The following TVP23C variants were observed in gnomAD, a reference collection of about 807,000 sequenced individuals.
The protein encoded by TVP23C is trans-golgi network vesicle protein 23 homolog C, also known as Golgi apparatus membrane protein TVP23 homolog C.
TVP23C carries 19 observed loss-of-function variants against 28.7 expected under a neutral mutation model. That is an observed-to-expected ratio of 0.66 (90% confidence interval 0.46 to 0.97). The LOEUF is 0.97. Ranked by LOEUF, TVP23C falls within the 50% of genes least tolerant of loss-of-function variation. TVP23C has a pLI of 0.00. For missense variants in TVP23C, 186 were observed against 241.3 expected, an observed-to-expected ratio of 0.77 and a Z score of 1.52; for synonymous variants, 68 against 81.7, an observed-to-expected ratio of 0.83 and a Z score of 0.90.
chr17:15,540,119 A>G lies in TVP23C; in HGVS notation c.*293T>C. The G allele has an allele frequency of 8.1e-7, 1 of 1,232,048 alleles. No homozygotes were observed. Among genetic ancestry groups the G allele is most frequent in the Non-Finnish European group, 1.0e-6 (1 of 986,050 alleles). The allele number at this position is 1,232,048 out of a possible 1,614,324, so 76.3% of individuals were successfully genotyped here. On this transcript the variant is annotated 3_prime_UTR_variant, in exon 6 of 6. Transcript: ENST00000518321. ...AAAAATAAAAATAAAAACATACAAC[A>G]TACATTCTGCAAGGGCATTCACTTA...
At chr17:15,533,993 G>T (rs1036068664), downstream of TVP23C, among the ~76,000 whole-genome samples, 1 of 152,218 alleles carries the variant, frequency 6.6e-6, no homozygotes, top group African/African-American at 2.4e-5. Flanking sequence ...CTTAATTTTT[G>T]TCTTCCTCCA....
chr17:15,560,756 G>C (rs1353662495), intron 1 of TVP23C, among the ~76,000 whole-genome samples: 3 of 147,438 alleles, frequency 2.0e-5, no homozygotes, highest in African/African-American at 7.3e-5. Flanking sequence ...GGGTTTCACC[G>C]TGTTAGCCAG....
chr17:15,534,542 A>T (rs1174033275), downstream of TVP23C, among the ~76,000 whole-genome samples: 3 of 149,880 alleles, frequency 2.0e-5, no homozygotes, highest in Non-Finnish European at 2.9e-5. Context: ...AAAGGCCCAT[A>T]GTACCTATAT....
chr17:15,539,559 C>G lies in TVP23C; in HGVS notation c.*853G>C. ...CGGAGCTTGCAGTAAGCCGAGATCA[C>G]GCCACTGCACTCCAGCCTGGGCGAC... is the stretch of plus-strand genomic sequence containing the variant. On this transcript the variant is annotated 3_prime_UTR_variant, in exon 6 of 6. Coordinates refer to ENST00000518321, the MANE Select transcript of TVP23C (RefSeq NM_001135036.2). The G allele has an allele frequency of 4.9e-6, 4 of 823,968 alleles. No homozygotes were observed. Among genetic ancestry groups the G allele is most frequent in the Non-Finnish European group, 5.8e-6 (4 of 684,184 alleles). The allele number at this position is 823,968 out of a possible 1,614,324, so 51.0% of individuals were successfully genotyped here. A position where few individuals can be genotyped will look rare whatever the true frequency, so the allele number is the denominator to read the frequency against.
intron 5 of TVP23C, among the ~76,000 whole-genome samples, chr17:15,543,092 A>AC (rs1983490417): frequency 6.6e-6 from 1 of 151,720 alleles, no homozygotes; most frequent in Non-Finnish European, 1.5e-5. Flanking sequence ...TGCACAGCCA[A>AC]CCAGCAGACA....
At chr17:15,503,044 A>T (rs375535999) in exon 6 of TVP23C, 6 of 1,613,870 alleles carry the variant, frequency 3.7e-6, no homozygotes, top group Non-Finnish European at 3.4e-6. Flanking sequence ...GGCGGGGCGC[A>T]GGTTTCCAGT....
At chr17:15,502,750 G>T in exon 6 of TVP23C, 25 of 993,322 alleles carry the variant, frequency 2.5e-5, no homozygotes, top group South Asian at 7.5e-5. Flanking sequence ...CCTCTCTCCC[G>T]TCTCTTTCTC....
chr17:15,502,850 T>C (rs1159975089), exon 6 of TVP23C: 2 of 1,562,078 alleles, frequency 1.3e-6, no homozygotes, highest in Admixed American at 1.8e-5. Flanking sequence ...GAGCTTCAGA[T>C]TTGTGGGTTG....
intron 3 of TVP23C, among the ~76,000 whole-genome samples, chr17:15,551,721 T>C (rs1316076543): frequency 6.6e-6 from 1 of 152,134 alleles, no homozygotes; most frequent in African/African-American, 2.4e-5. Context: ...TTAGTGTATT[T>C]TATGTGTGGC....
chr17:15,529,460 A>G (rs1982865001), intron 5 of TVP23C, among the ~76,000 whole-genome samples: 1 of 152,136 alleles, frequency 6.6e-6, no homozygotes, highest in Non-Finnish European at 1.5e-5. Context: ...TCAAAAAAAA[A>G]AAGTAACTTA....
intron 5 of TVP23C, among the ~76,000 whole-genome samples, chr17:15,510,806 C>T (rs561209153): frequency 8.5e-5 from 13 of 152,108 alleles, no homozygotes; most frequent in Admixed American, 2.0e-4. Flanking sequence ...TGCCTGTAAT[C>T]CCAGCACGTT....
At chr17:15,507,334 C>T (rs1313524245) in intron 5 of TVP23C, 1 of 755,122 alleles carries the variant, frequency 1.3e-6, no homozygotes, top group Non-Finnish European at 2.4e-6. Flanking sequence ...ATCACCATTG[C>T]TGACTGGACA....
chr17:15,510,856 C>A (rs1303326820), intron 5 of TVP23C, among the ~76,000 whole-genome samples: 2 of 151,972 alleles, frequency 1.3e-5, no homozygotes, highest in Non-Finnish European at 2.9e-5. Context: ...GAGTTCGAGA[C>A]CAGCCTGGCC....
Position 15,555,383 on chromosome 17 carries a change from G to C in TVP23C, c.13-19C>G, listed in dbSNP as rs375224329. On this transcript the variant is annotated intron_variant, in intron 1 of 5. Transcript: ENST00000518321. ...TACTATCCTGGTTGGAAAAATAAATGGTCAAGAAGCAAAACAAAATTCAGT... is the reference window on the plus strand; with the variant it reads ...TACTATCCTGGTTGGAAAAATAAATCGTCAAGAAGCAAAACAAAATTCAGT... The C allele has an allele frequency of 1.1e-4, 178 of 1,613,718 alleles. No individual in the cohort carries two copies. The African/African-American group carries it at 1.9e-3, about 17-fold the overall frequency.
intron 5 of TVP23C, among the ~76,000 whole-genome samples, chr17:15,510,790 G>A (rs1981964851): frequency 6.6e-6 from 1 of 152,146 alleles, no homozygotes; most frequent in Admixed American, 6.5e-5. Context: ...CAGGTGCAGT[G>A]GCTCATGCCT....
In TVP23C at chr17:15,538,386, C is replaced by A; in HGVS notation, c.*2026G>T. ...AGGGTGGATCATGAGGTCAGGAGAT[C>A]GAGACCCTCCTGGCTAACACAGTGA... On this transcript the variant is annotated 3_prime_UTR_variant, in exon 6 of 6. Coordinates refer to ENST00000518321, the MANE Select transcript of TVP23C (RefSeq NM_001135036.2). 1.2e-6 allele frequency: 1 copy of A among 829,788 alleles called. No homozygotes were observed. The highest frequency in any genetic ancestry group is 1.8e-5 in the African/African-American group (1 of 54,106). 51.4% of individuals were successfully genotyped at this position (829,788 alleles called of 1,614,324 possible). A position where few individuals can be genotyped will look rare whatever the true frequency, so the allele number is the denominator to read the frequency against.
intron 5 of TVP23C, among the ~76,000 whole-genome samples, chr17:15,544,666 C>T (rs1187854493): frequency 6.6e-6 from 1 of 152,006 alleles, no homozygotes; most frequent in African/African-American, 2.4e-5. Flanking sequence ...TTTTCCAGAG[C>T]AGGAACTCCA....
intron 5 of TVP23C, among the ~76,000 whole-genome samples, chr17:15,529,999 A>C (rs2589720): frequency 6.6e-6 from 1 of 152,254 alleles, no homozygotes; most frequent in Non-Finnish European, 1.5e-5. Flanking sequence ...GGGTTTCACC[A>C]TGTTGGCCAG....
At chr17:15,506,574 A>G (rs1304679674) in intron 5 of TVP23C, among the ~76,000 whole-genome samples, 3 of 152,334 alleles carry the variant, frequency 2.0e-5, no homozygotes, top group Non-Finnish European at 4.4e-5. Context: ...CCCCTTCCAC[A>G]CTGCGGAAGC....
Sources: allele counts gnomAD v4.1 joint callset (sites outside exome capture counted in the v4.1 genomes callset), GRCh38; gene constraint gnomAD v4.1.1; transcripts MANE v1.5; gene names NCBI Gene and HGNC (gene_info 2026-07-23, HGNC 2026-07-21).